PPP2R2B: variants seen among roughly 807,000 people sequenced by gnomAD.
The protein encoded by PPP2R2B is protein phosphatase 2 regulatory subunit Bbeta, also known as serine/threonine-protein phosphatase 2A 55 kDa regulatory subunit B beta isoform.
In PPP2R2B, 5 loss-of-function variants were observed where a neutral mutation model predicts 46.0. The ratio of observed to expected loss-of-function variants is 0.11; its 90% CI spans 0.06 to 0.23. The LOEUF (loss-of-function observed/expected upper bound fraction) is 0.23, where lower values mean the gene tolerates loss of function less well. PPP2R2B is among the 10% of genes least tolerant of loss of function. The pLI, the probability that PPP2R2B is intolerant of heterozygous loss-of-function variation, is 1.00. For synonymous variants in PPP2R2B, 215 were observed against 206.7 expected (o/e 1.04, Z -0.34); for missense variants, 367 against 575.0 (o/e 0.64, Z 3.70).
chr5:146,640,374 A>G (rs982168216), intron 6 of PPP2R2B, among the ~76,000 whole-genome samples: 1 of 152,234 alleles, frequency 6.6e-6, no homozygotes, highest in African/African-American at 2.4e-5. Flanking sequence ...CCAGAGTTAT[A>G]AATATGATTG....
intron 2 of PPP2R2B, among the ~76,000 whole-genome samples, chr5:146,705,608 C>T (rs1440335142): frequency 6.6e-6 from 1 of 152,148 alleles, no homozygotes; most frequent in African/African-American, 2.4e-5. Flanking sequence ...AAACTGTGGT[C>T]TCCTTCTTGG....
chr5:146,861,529 G>C (rs1386807599), intron 2 of PPP2R2B, among the ~76,000 whole-genome samples: 1 of 152,186 alleles, frequency 6.6e-6, no homozygotes, highest in Non-Finnish European at 1.5e-5. Context: ...GAAGAACTCA[G>C]GTGAATATTC....
rs918287295 is a variant in PPP2R2B at position 146,643,641 on chromosome 5, G to A, written c.626-5226C>T. Reference sequence around the variant, plus strand: ...TAAAAGACTACAAATTGGGTTCAGTGTATACTGCTTAGGAGATGGGTGCAC... The same window carrying A: ...TAAAAGACTACAAATTGGGTTCAGTATATACTGCTTAGGAGATGGGTGCAC... On this transcript the variant is annotated intron_variant, in intron 6 of 9. Coordinates refer to ENST00000394411, the MANE Select transcript of PPP2R2B (RefSeq NM_181675.4). Among the ~76,000 whole-genome samples the A allele has an allele frequency of 2.0e-5, 3 of 152,114 alleles. No homozygotes were observed. The East Asian group carries it at 5.8e-4, about 29-fold the overall frequency.
chr5:147,041,717 G>C (rs1756315082), intron 1 of PPP2R2B, among the ~76,000 whole-genome samples: 1 of 152,130 alleles, frequency 6.6e-6, no homozygotes, highest in Non-Finnish European at 1.5e-5. Context: ...TAAGTCCCCA[G>C]ATCTTCATTT....
chr5:146,872,736 T>C (rs1761686983), intron 2 of PPP2R2B, among the ~76,000 whole-genome samples: 1 of 152,204 alleles, frequency 6.6e-6, no homozygotes, highest in Non-Finnish European at 1.5e-5. Flanking sequence ...ACCACATTGC[T>C]GAGAAATGGC....
intron 1 of PPP2R2B, among the ~76,000 whole-genome samples, chr5:147,033,580 G>A (rs566605685): frequency 6.6e-6 from 1 of 152,228 alleles, no homozygotes; most frequent in South Asian, 2.1e-4. Flanking sequence ...GGTTGGGAAG[G>A]TTTTAGGGGG....
chr5:146,912,960 T>G (rs911598190), intron 1 of PPP2R2B, among the ~76,000 whole-genome samples: 2 of 152,194 alleles, frequency 1.3e-5, no homozygotes, highest in South Asian at 2.1e-4. Context: ...AAATCCTATC[T>G]ATAGCCAAGA....
chr5:146,732,010 G>A (rs563200115), intron 2 of PPP2R2B, among the ~76,000 whole-genome samples: 19 of 152,134 alleles, frequency 1.2e-4, no homozygotes, highest in South Asian at 6.2e-4. Context: ...ACTTTTTCCC[G>A]TTTACGGTTT....
In PPP2R2B at chr5:146,923,168, A is replaced by G. The variant is rs142541142; in HGVS notation, c.79+132497T>C. On this transcript the variant is annotated intron_variant, in intron 1 of 8. Coordinates refer to the PPP2R2B transcript ENST00000336640. ...TTTGAGCCAGATTTTCTCTGACTTG[A>G]CACTAAAAGATTCTCAATATATCTA... Among the ~76,000 whole-genome samples the G allele has an allele frequency of 2.0e-3, 309 of 152,224 alleles. 1 individual carries two copies. The highest frequency in any genetic ancestry group is 7.0e-3 in the African/African-American group (292 of 41,544).
Position 146,903,245 on chromosome 5 carries a change from A to G in PPP2R2B, c.79+152420T>C, listed in dbSNP as rs191343278. On this transcript the variant is annotated intron_variant, in intron 1 of 8. Coordinates refer to the PPP2R2B transcript ENST00000336640. ...ATTAATAAATAATTTAACTGTCAAT[A>G]GACATTAACCACATTAATTAAAGAA... 5.4e-4 allele frequency among the ~76,000 whole-genome samples: 82 copies of G among 152,332 alleles called. 1 individual carries two copies. The highest frequency in any genetic ancestry group is 8.8e-5 in the Non-Finnish European group (6 of 68,028).
intron 9 of PPP2R2B, among the ~76,000 whole-genome samples, chr5:146,590,532 G>T (rs1770529492): frequency 1.3e-5 from 2 of 151,634 alleles, no homozygotes; most frequent in South Asian, 2.1e-4. Context: ...GCTCAGAAAA[G>T]GTGTCCACTG....
intron 1 of PPP2R2B, among the ~76,000 whole-genome samples, chr5:147,006,872 C>T (rs988347778): frequency 2.6e-5 from 4 of 151,926 alleles, no homozygotes; most frequent in African/African-American, 9.7e-5. Flanking sequence ...GTATGAGATG[C>T]CGCCCGGTGT....
rs1769891785 is a variant in PPP2R2B at position 146,581,474 on chromosome 5, A to G, written c.*8473T>C. On this transcript the variant is annotated 3_prime_UTR_variant, in exon 10 of 10. Transcript: ENST00000394411. ...CCCCACCTCAAACACTGGGGATTAC[A>G]ATTTGACATGAGATTATGGTGAGGA... is the stretch of plus-strand genomic sequence containing the variant. 1 of 152,216 alleles carries G rather than the reference A, an allele frequency of 6.6e-6. No homozygotes were observed. The highest frequency in any genetic ancestry group is 1.5e-5 in the Non-Finnish European group (1 of 68,036). 9.4% of individuals were successfully genotyped at this position (152,216 alleles called of 1,614,324 possible). A position where few individuals can be genotyped will look rare whatever the true frequency, so the allele number is the denominator to read the frequency against.
At chr5:146,773,100 A>T (rs527418339) in intron 2 of PPP2R2B, among the ~76,000 whole-genome samples, 16 of 152,332 alleles carry the variant, frequency 1.1e-4, no homozygotes, top group African/African-American at 3.6e-4. Context: ...AATAGTGAAG[A>T]TAAAGTTAAT....
At chr5:146,906,103 TAAA>T (rs1268856358) in intron 1 of PPP2R2B, among the ~76,000 whole-genome samples, 1 of 152,070 alleles carries the variant, frequency 6.6e-6, no homozygotes, top group Non-Finnish European at 1.5e-5. Flanking sequence ...GTATTTCTAG[TAAA>T]GATATATTGT....
intron 2 of PPP2R2B, among the ~76,000 whole-genome samples, chr5:146,849,349 T>C (rs531028141): frequency 1.3e-5 from 2 of 152,320 alleles, no homozygotes; most frequent in East Asian, 3.9e-4. Flanking sequence ...CTAACTTTAA[T>C]TCATTACCAC....
intron 2 of PPP2R2B, among the ~76,000 whole-genome samples, chr5:146,876,782 T>C (rs1034433631): frequency 6.6e-6 from 1 of 152,180 alleles, no homozygotes; most frequent in Non-Finnish European, 1.5e-5. Context: ...ATACTTTCAA[T>C]AGCACTGGAC....
chr5:146,854,246 G>A (rs1451394114), intron 2 of PPP2R2B, among the ~76,000 whole-genome samples: 2 of 152,044 alleles, frequency 1.3e-5, no homozygotes, highest in Non-Finnish European at 2.9e-5. Context: ...GTCTTATACT[G>A]CTCTTAAATA....
chr5:146,722,686 C>T (rs1751603012), intron 2 of PPP2R2B, among the ~76,000 whole-genome samples: 1 of 152,090 alleles, frequency 6.6e-6, no homozygotes. Context: ...ACAGTATAAA[C>T]AATAATGAAA....
Sources: allele counts gnomAD v4.1 joint callset (sites outside exome capture counted in the v4.1 genomes callset), GRCh38; gene constraint gnomAD v4.1.1; transcripts MANE v1.5; gene names NCBI Gene and HGNC (gene_info 2026-07-23, HGNC 2026-07-21).